The following DHRS3 variants were observed in gnomAD, a reference collection of about 807,000 sequenced individuals.
DHRS3 encodes dehydrogenase/reductase 3.
In DHRS3, 14 loss-of-function variants were observed where a neutral mutation model predicts 27.2. The ratio of observed to expected loss-of-function variants is 0.52; its 90% confidence interval spans 0.34 to 0.81. The LOEUF is 0.81. Among genes scored for constraint, DHRS3 ranks in the 30% least tolerant of loss-of-function variants. The probability of loss-of-function intolerance (pLI) is 0.01; values close to 1 mark genes in which losing one functional copy is unlikely to be tolerated. For synonymous variants in DHRS3, 165 were observed against 175.9 expected (o/e 0.94, Z 0.49); for missense variants, 322 against 406.2 (o/e 0.79, Z 1.78).
At chr1:12,596,875 G>A (rs1303874997) in intron 1 of DHRS3, among the ~76,000 whole-genome samples, 3 of 152,166 alleles carry the variant, frequency 2.0e-5, no homozygotes, top group Non-Finnish European at 4.4e-5. Context: ...GAGACCCTCA[G>A]AGAAACCAAG....
chr1:12,616,792 A>T, intron 1 of DHRS3: 1 of 1,122,134 alleles, frequency 8.9e-7, no homozygotes, highest in Non-Finnish European at 1.1e-6. Context: ...CACACCCTGC[A>T]CTCACCAGGG....
intron 1 of DHRS3, among the ~76,000 whole-genome samples, chr1:12,585,815 G>A (rs1228079208): frequency 6.6e-6 from 1 of 152,242 alleles, no homozygotes. Context: ...TGGGCGGGCG[G>A]AGGCGGGCGT....
Position 12,588,562 on chromosome 1 carries a change from G to A in DHRS3, c.196-7896C>T, listed in dbSNP as rs565591191. Among the ~76,000 whole-genome samples, 42 of 152,230 alleles carry A rather than the reference G, an allele frequency of 2.8e-4. No homozygotes were observed. In the East Asian group the frequency reaches 4.1e-3, roughly 15 times the overall value. On this transcript the variant is annotated intron_variant, in intron 1 of 5. Coordinates refer to ENST00000616661, the MANE Select transcript of DHRS3 (RefSeq NM_004753.7). The stretch of plus-strand genomic sequence containing the variant: ...GAACACCCCTGCCTCTCCCATGAGC[G>A]TGCAAGGTCCTCCAGGGAATCTTAT...
In DHRS3 at chr1:12,580,611, C is replaced by T. The variant is rs770731742; in HGVS notation, c.251G>A (p.Arg84Gln). The change falls in exon 2 of 6, where the codon CGG becomes CAG. Residue 84 changes from arginine (R) to glutamine (Q), a missense_variant. Physicochemically the swap from Arg to Gln is conservative, Grantham distance 43 (BLOSUM62 1). Transcript: ENST00000616661. ...GTAATGGCACTCAGTGCCCATCTGC[C>T]GGATCTCCTCCGTCGTCTCCTTCAG... ...KCLKETTEEI[R>Q]QMGTECHYFI... The T allele has an allele frequency of 9.3e-6, 15 of 1,614,036 alleles. No individual in the cohort carries two copies. Among genetic ancestry groups the T allele is most frequent in the Middle Eastern group, 1.6e-4 (1 of 6,084 alleles).
rs4373773 is a variant in DHRS3, at chr1:12,591,460, G to A, written c.196-10794C>T. 0.027 allele frequency among the ~76,000 whole-genome samples: 4,133 copies of A among 152,342 alleles called. 178 individuals are homozygous for A. The highest frequency in any genetic ancestry group is 0.094 in the African/African-American group (3,898 of 41,566). On this transcript the variant is annotated intron_variant, in intron 1 of 5. Coordinates refer to ENST00000616661, the MANE Select transcript of DHRS3 (RefSeq NM_004753.7). The surrounding 1 kb of genome is among the most constrained non-coding windows in gnomAD (Gnocchi z 4.1). ...TGATGAAGCTCCTCAAATTAGATCA[G>A]CCAGTGGTGTCGCCCTCCCACAAGT...
At chr1:12,616,191 C>A (rs138406293) in intron 1 of DHRS3, among the ~76,000 whole-genome samples, 2 of 152,206 alleles carry the variant, frequency 1.3e-5, no homozygotes, top group Non-Finnish European at 2.9e-5. Flanking sequence ...CCTTTCACCC[C>A]CCTAGTTCAC....
In DHRS3 at chr1:12,617,756, T is replaced by G. The variant is rs182878063; in HGVS notation, c.-408A>C. 300 of 99,024 alleles carry G rather than the reference T, an allele frequency of 3.0e-3. 4 individuals carry two copies. In the East Asian group the frequency reaches 0.031, roughly 10 times the overall value. The allele number at this position is 99,024 out of a possible 1,614,324, so 6.1% of individuals were successfully genotyped here. A position where few individuals can be genotyped will look rare whatever the true frequency, so the allele number is the denominator to read the frequency against. ...AGGCACCAACCACACGCGCGCACCC[T>G]GCCTCGGTCCCGCGGTTTCAAAGTG... On this transcript the variant is annotated 5_prime_UTR_variant, in exon 1 of 6. Coordinates refer to ENST00000616661, the MANE Select transcript of DHRS3 (RefSeq NM_004753.7).
intron 4 of DHRS3, among the ~76,000 whole-genome samples, chr1:12,575,396 G>A (rs888815185): frequency 6.6e-6 from 1 of 151,930 alleles, no homozygotes; most frequent in Admixed American, 6.6e-5. Context: ...GACATGGCCA[G>A]TCTTGCTGGG....
intron 3 of DHRS3, 110 bp downstream of exon 3, chr1:12,579,183 G>A (rs999537506): frequency 7.0e-6 from 11 of 1,561,878 alleles, no homozygotes; most frequent in African/African-American, 2.7e-5. Context: ...CCTTGTTCGT[G>A]GACATCCCTG....
At chr1:12,575,569 T>G (rs1347565164) in intron 4 of DHRS3, among the ~76,000 whole-genome samples, 1 of 152,192 alleles carries the variant, frequency 6.6e-6, no homozygotes, top group Non-Finnish European at 1.5e-5. Flanking sequence ...ACTACTCTTC[T>G]GGCCGAGCCC....
chr1:12,602,070 C>T (rs115962280), intron 1 of DHRS3, among the ~76,000 whole-genome samples: 5 of 152,358 alleles, frequency 3.3e-5, no homozygotes, highest in Non-Finnish European at 7.3e-5. Context: ...TGGATATCAA[C>T]AAGCAGCCAC....
chr1:12,592,015 G>A lies in DHRS3; in HGVS notation c.196-11349C>T, dbSNP rs1646750898. 6.6e-6 allele frequency among the ~76,000 whole-genome samples: 1 copy of A among 152,176 alleles called. No individual in the cohort carries two copies. Among genetic ancestry groups the A allele is most frequent in the South Asian group, 2.1e-4 (1 of 4,836 alleles). On this transcript the variant is annotated intron_variant, in intron 1 of 5. Transcript: ENST00000616661. This position sits in a 1 kb window ranked among gnomAD's most constrained non-coding sequence, Gnocchi z 4.2. ...GGGGCTCAGGTGGGAGGACAGGTGAGGACAGAAGCTGTTCTGAGCATGGGT... is the reference window on the plus strand; with the variant it reads ...GGGGCTCAGGTGGGAGGACAGGTGAAGACAGAAGCTGTTCTGAGCATGGGT...
At chr1:12,580,817 A>G (rs1646637915) in intron 1 of DHRS3, 151 bp from the exon 2 acceptor site, 5 of 961,792 alleles carry the variant, frequency 5.2e-6, no homozygotes, top group Non-Finnish European at 7.6e-6. Flanking sequence ...AACATAGATT[A>G]ATAATATAAC....
At chr1:12,603,862 C>T (rs778066460) in intron 1 of DHRS3, among the ~76,000 whole-genome samples, 22 of 152,212 alleles carry the variant, frequency 1.4e-4, no homozygotes, top group Non-Finnish European at 2.8e-4. Context: ...CCAAGCCACA[C>T]ATCTGTACTC....
intron 1 of DHRS3, among the ~76,000 whole-genome samples, chr1:12,603,917 G>C (rs969835471): frequency 6.6e-6 from 1 of 152,168 alleles, no homozygotes; most frequent in Non-Finnish European, 1.5e-5. Context: ...GGATACCAGG[G>C]CGTTCCCTGC....
intron 1 of DHRS3, among the ~76,000 whole-genome samples, chr1:12,615,955 C>T (rs950539633): frequency 2.6e-5 from 4 of 152,216 alleles, no homozygotes; most frequent in African/African-American, 4.8e-5. Context: ...CCACAGGCTC[C>T]GGCCAGCCCG....
intron 1 of DHRS3, among the ~76,000 whole-genome samples, chr1:12,607,699 TA>T (rs1003849356): frequency 3.3e-5 from 5 of 151,414 alleles, no homozygotes; most frequent in South Asian, 4.2e-4. Context: ...GCTAATGATG[TA>T]AAAAAAAAGA....
At chr1:12,575,289 T>C (rs1220700678) in intron 4 of DHRS3, among the ~76,000 whole-genome samples, 1 of 150,976 alleles carries the variant, frequency 6.6e-6, no homozygotes, top group Non-Finnish European at 1.5e-5. Context: ...ATCACATGAC[T>C]GCACTCTAGC....
At chr1:12,614,445 C>T (rs1316448196) in intron 1 of DHRS3, among the ~76,000 whole-genome samples, 1 of 151,960 alleles carries the variant, frequency 6.6e-6, no homozygotes, top group East Asian at 1.9e-4. Context: ...CTCAGTTTGC[C>T]ACAGTGCACT....
Sources: gnomAD v4.1 joint callset for allele counts (sites outside exome capture counted in the v4.1 genomes callset) on GRCh38, gnomAD v4.1.1 for gene constraint, Gnocchi (gnomAD v3.1) non-coding constraint, MANE v1.5 for transcripts, NCBI Gene and HGNC (gene_info 2026-07-23, HGNC 2026-07-21) for gene names.